DNM3: variants seen among roughly 807,000 people sequenced by gnomAD.
DNM3 encodes dynamin 3.
A neutral mutation model predicts 101.6 loss-of-function variants in DNM3; 47 were observed. The ratio of observed to expected loss-of-function variants is 0.46; its 90% confidence interval spans 0.37 to 0.59. The LOEUF is 0.59. Ranked by LOEUF, DNM3 falls within the 20% of genes least tolerant of loss-of-function variation. DNM3 has a pLI of 0.00. For missense variants in DNM3, 849 were observed against 1,085.7 expected (o/e 0.78, Z 3.06); for synonymous variants, 385 against 387.9 (o/e 0.99, Z 0.09).
chr1:172,152,608 A>G (rs2058179145), intron 14 of DNM3, among the ~76,000 whole-genome samples: 1 of 152,120 alleles, frequency 6.6e-6, no homozygotes, highest in African/African-American at 2.4e-5. Flanking sequence ...ATTCAGACAA[A>G]TTTAGATGAA....
chr1:172,147,530 C>T (rs553133947), intron 14 of DNM3, among the ~76,000 whole-genome samples: 224 of 152,122 alleles, frequency 1.5e-3, no homozygotes, highest in African/African-American at 4.8e-3. Flanking sequence ...TAAAAGGAAA[C>T]GCTGTTTCAG....
chr1:172,096,892 T>C (rs1284290224), intron 13 of DNM3, among the ~76,000 whole-genome samples: 2 of 152,198 alleles, frequency 1.3e-5, no homozygotes, highest in Non-Finnish European at 2.9e-5. Flanking sequence ...TTGGTGAGGA[T>C]GCTTTTGAAA....
At chr1:172,016,217 T>C (rs144199521) in intron 4 of DNM3, among the ~76,000 whole-genome samples, 99 of 151,538 alleles carry the variant, frequency 6.5e-4, no homozygotes, top group African/African-American at 2.2e-3. Context: ...AAAAGAATGA[T>C]GTTAACTGTA....
intron 14 of DNM3, among the ~76,000 whole-genome samples, chr1:172,163,928 T>C (rs1020670127): frequency 2.0e-5 from 3 of 150,040 alleles, no homozygotes; most frequent in Admixed American, 1.3e-4. Flanking sequence ...TATATGCATG[T>C]GCATATATAC....
chr1:172,366,452 T>C (rs1324225030), intron 17 of DNM3: 1 of 151,900 alleles, frequency 6.6e-6, no homozygotes, highest in African/African-American at 2.4e-5. Context: ...GTGATTAGAA[T>C]ATTCATGAGC....
At position 172,027,585 on chromosome 1, in the gene DNM3, AACACAC is replaced by A. The variant is rs61620821; in HGVS notation, c.590-4789_590-4784del. Among the ~76,000 whole-genome samples the A allele has an allele frequency of 6.4e-5, 9 of 141,514 alleles. No homozygotes were observed. In the South Asian group the frequency reaches 9.5e-4, roughly 15 times the overall value. The allele number at this position is 141,514 out of a possible 152,430, so 92.8% of individuals were successfully genotyped here. A position where few individuals can be genotyped will look rare whatever the true frequency, so the allele number is the denominator to read the frequency against. ...GACAGAGCAAGACTCTGTCTCAAGA[AACACAC>A]ACACACACACACACACACACACACA... On this transcript the variant is annotated intron_variant, in intron 4 of 20. Transcript: ENST00000627582.
intron 2 of DNM3, among the ~76,000 whole-genome samples, chr1:171,937,617 T>C (rs990478998): frequency 1.3e-5 from 2 of 152,198 alleles, no homozygotes; most frequent in African/African-American, 4.8e-5. Context: ...TCACTCAGGC[T>C]GGAGTGGAGT....
At chr1:171,867,639 A>G (rs1438452506) in intron 1 of DNM3, among the ~76,000 whole-genome samples, 1 of 152,148 alleles carries the variant, frequency 6.6e-6, no homozygotes, top group Admixed American at 6.5e-5. Context: ...CTTTTATTTA[A>G]ATATCTCTTT....
intron 4 of DNM3, among the ~76,000 whole-genome samples, chr1:172,012,394 T>C (rs1375782632): frequency 1.3e-5 from 2 of 152,044 alleles, no homozygotes; most frequent in Non-Finnish European, 2.9e-5. Context: ...AGGTATAACC[T>C]AAGGGAGATT....
intron 14 of DNM3, among the ~76,000 whole-genome samples, chr1:172,237,011 A>G (rs1262652008): frequency 6.6e-6 from 1 of 152,098 alleles, no homozygotes; most frequent in Non-Finnish European, 1.5e-5. Flanking sequence ...AATATTTCTA[A>G]TTCTTCTACA....
intron 2 of DNM3, among the ~76,000 whole-genome samples, chr1:171,955,049 A>G (rs1398555119): frequency 6.6e-6 from 1 of 152,172 alleles, no homozygotes; most frequent in African/African-American, 2.4e-5. Context: ...TAAAATTTGA[A>G]GTACTTCTGT....
intron 15 of DNM3, among the ~76,000 whole-genome samples, chr1:172,258,144 CA>C (rs2062493387): frequency 6.6e-6 from 1 of 151,882 alleles, no homozygotes. Context: ...GATAGTATTC[CA>C]CTGTGTAAAT....
chr1:171,883,392 CA>C (rs1558209609), intron 1 of DNM3, among the ~76,000 whole-genome samples: 36 of 118,584 alleles, frequency 3.0e-4, no homozygotes, highest in South Asian at 7.8e-4. Flanking sequence ...CACACACACA[CA>C]CACACACACA....
At chr1:171,921,863 G>A (rs2125323820) in intron 2 of DNM3, 42 bp downstream of exon 2, 2 of 1,537,224 alleles carry the variant, frequency 1.3e-6, no homozygotes, top group East Asian at 4.7e-5. Context: ...GGCACATCCT[G>A]TGGCCCCTTT....
intron 14 of DNM3, among the ~76,000 whole-genome samples, chr1:172,242,013 T>C (rs1271575282): frequency 2.0e-5 from 3 of 152,162 alleles, no homozygotes; most frequent in African/African-American, 7.2e-5. Flanking sequence ...TCTATTAAGA[T>C]TCTGTGCCAT....
chr1:172,046,538 T>G (rs895849132), intron 9 of DNM3, among the ~76,000 whole-genome samples: 3 of 150,184 alleles, frequency 2.0e-5, no homozygotes, highest in Admixed American at 2.0e-4. Flanking sequence ...ACATGTACCC[T>G]AAAACTTAAA....
intron 17 of DNM3, 101 bp from the exon 18 acceptor site, chr1:172,378,917 C>A: frequency 7.6e-7 from 1 of 1,319,294 alleles, no homozygotes; most frequent in Non-Finnish European, 1.0e-6. Context: ...ATATAAACTC[C>A]AACTATGCTA....
At chr1:172,077,963 G>A (rs2052802865) in intron 11 of DNM3, among the ~76,000 whole-genome samples, 1 of 152,160 alleles carries the variant, frequency 6.6e-6, no homozygotes, top group African/African-American at 2.4e-5. Flanking sequence ...CTAAGAACTT[G>A]CTTTATGAAT....
chr1:172,073,204 T>A (rs1280222036), intron 11 of DNM3, among the ~76,000 whole-genome samples: 1 of 151,974 alleles, frequency 6.6e-6, no homozygotes, highest in Non-Finnish European at 1.5e-5. Context: ...TATATACATG[T>A]ACATATATGT....
Sources: allele counts gnomAD v4.1 joint callset (sites outside exome capture counted in the v4.1 genomes callset), GRCh38; gene constraint gnomAD v4.1.1; transcripts MANE v1.5; gene names NCBI Gene and HGNC (gene_info 2026-07-23, HGNC 2026-07-21).